NOTCH1: variants seen among roughly 807,000 people sequenced by gnomAD.
NOTCH1 encodes the protein notch receptor 1.
Under a neutral mutation model 254.8 loss-of-function variants are expected in NOTCH1, and 37 were observed. That is an observed-to-expected ratio of 0.15 (90% CI 0.11 to 0.19). The LOEUF is 0.19. NOTCH1 is among the 10% of genes least tolerant of loss of function. The probability of loss-of-function intolerance (pLI) is 1.00; values close to 1 mark genes in which losing one functional copy is unlikely to be tolerated. For missense variants in NOTCH1, 2,972 were observed against 3,708.6 expected (o/e 0.80, Z 5.16); for synonymous variants, 1,731 against 1,618.1 (o/e 1.07, Z -1.68).
chr9:136,514,159 CCTG>C (rs1320579658), intron 13 of NOTCH1, among the ~76,000 whole-genome samples: 1 of 152,184 alleles, frequency 6.6e-6, no homozygotes, highest in Non-Finnish European at 1.5e-5. Flanking sequence ...CAATGGGGTC[CCTG>C]CTGATTTAAA....
At position 136,517,903 on chromosome 9, in the gene NOTCH1, G is replaced by A. The variant is rs2133368917; in HGVS notation, c.1290C>T (p.Ile430=). 1.2e-6 allele frequency: 2 copies of A among 1,612,166 alleles called. No individual in the cohort carries two copies. Among genetic ancestry groups the A allele is most frequent in the Non-Finnish European group, 1.7e-6 (2 of 1,179,922 alleles). ...ANPCEHAGKC[I]NTLGSFECQC... ...GGCACTCGAAGGAGCCCAGCGTGTT[G>A]ATGCACTTGCCCGCATGCTCGCAGG... is the stretch of plus-strand genomic sequence containing the variant. Residue 430 remains isoleucine, a synonymous_variant, in exon 8 of 34, where the codon ATC becomes ATT. Transcript: ENST00000651671.
chr9:136,502,624 A>G, intron 27 of NOTCH1, 136 bp from the exon 28 acceptor site: 1 of 581,492 alleles, frequency 1.7e-6, no homozygotes. Flanking sequence ...CGCCCTCCAA[A>G]ATAAGGTCAT....
intron 9 of NOTCH1, among the ~76,000 whole-genome samples, chr9:136,516,324 A>G (rs984583148): frequency 3.9e-5 from 6 of 152,074 alleles, no homozygotes; most frequent in African/African-American, 7.2e-5. Context: ...TTTTTCCCAA[A>G]CCGACTGGGT....
intron 8 of NOTCH1, 101 bp downstream of exon 8, chr9:136,517,651 G>T: frequency 6.9e-7 from 1 of 1,442,564 alleles, no homozygotes; most frequent in Non-Finnish European, 9.6e-7. Context: ...AAGGCATGGA[G>T]GCTGGGGAAA....
chr9:136,524,641 T>C (rs1424692138), intron 2 of NOTCH1, among the ~76,000 whole-genome samples: 5 of 29,032 alleles, frequency 1.7e-4, no homozygotes, highest in Non-Finnish European at 2.7e-4. Flanking sequence ...TTTCTTTTCT[T>C]TTTTTTTTTT....
At position 136,510,498 on chromosome 9, in the gene NOTCH1, T is replaced by G. The variant is rs1843161680; in HGVS notation, c.2740+155A>C. 1.0e-5 allele frequency: 10 copies of G among 1,004,790 alleles called. No individual in the cohort carries two copies. In the South Asian group the frequency reaches 1.5e-4, roughly 15 times the overall value. The allele number at this position is 1,004,790 out of a possible 1,614,324, so 62.2% of individuals were successfully genotyped here. Reference sequence around the variant, plus strand: ...GGGCCCTCCTGAACCACCCTGGCCATCCCTCAGCACATCCCCCACACCTGA... The same window carrying G: ...GGGCCCTCCTGAACCACCCTGGCCAGCCCTCAGCACATCCCCCACACCTGA... On this transcript the variant is annotated intron_variant, in intron 17 of 33. Transcript: ENST00000651671.
chr9:136,523,276 A>C (rs532243915), intron 3 of NOTCH1, 88 bp from the exon 4 acceptor site: 2 of 1,327,998 alleles, frequency 1.5e-6, no homozygotes, highest in East Asian at 5.0e-5. Context: ...TGGAGGTGCC[A>C]GCCTGGGCTC....
rs369004626 is a variant in NOTCH1 at position 136,506,828 on chromosome 9, G to C, written c.3789C>G (p.Arg1263=). ...CTCPPGFVGE[R]CEGDVNECLS... ...GGCACTCGTTGACATCCCCCTCACA[G>C]CGCTCACCCACGAAGCCCGGCGGGC... The change falls in exon 23 of 34, where the codon CGC becomes CGG. Residue 1263 remains arginine, a synonymous_variant. Coordinates refer to ENST00000651671, the MANE Select transcript of NOTCH1 (RefSeq NM_017617.5). This position sits in a 1 kb window ranked among gnomAD's most constrained non-coding sequence, Gnocchi z 4.5. 4 of 1,612,282 alleles carry C rather than the reference G, an allele frequency of 2.5e-6. No homozygotes were observed. Among genetic ancestry groups the C allele is most frequent in the Non-Finnish European group, 3.4e-6 (4 of 1,179,682 alleles).
intron 2 of NOTCH1, among the ~76,000 whole-genome samples, chr9:136,534,058 G>C (rs1343188699): frequency 2.0e-5 from 3 of 152,240 alleles, no homozygotes; most frequent in African/African-American, 7.2e-5. Context: ...CTCGGCACGA[G>C]GGCGACCGTC....
At chr9:136,501,952 C>G (rs372075525) in intron 29 of NOTCH1, 39 bp from the exon 30 acceptor site, 2 of 1,611,638 alleles carry the variant, frequency 1.2e-6, no homozygotes, top group Non-Finnish European at 1.7e-6. Flanking sequence ...CAGGGCAGCC[C>G]GGCAGCAGGT....
rs752428699 is a variant in NOTCH1, at chr9:136,496,112, T to C, written c.7627A>G (p.Met2543Val). 7 of 1,609,014 alleles carry C rather than the reference T, an allele frequency of 4.4e-6. No individual in the cohort carries two copies. Among genetic ancestry groups the C allele is most frequent in the Non-Finnish European group, 5.1e-6 (6 of 1,179,442 alleles). Residue 2543 changes from methionine to valine, a missense_variant, in exon 34 of 34, where the codon ATG becomes GTG. Met to Val is a conservative substitution (Grantham distance 21). Coordinates refer to ENST00000651671, the MANE Select transcript of NOTCH1 (RefSeq NM_017617.5). ...GGAATGCGGGCGATCTGGGACTGCA[T>C]GCTGGTGGGAGGGCTGGAGACGCCC... Reference protein sequence around the residue: ...SEGVSSPPTSMQSQIARIPEA... With the variant: ...SEGVSSPPTSVQSQIARIPEA...
chr9:136,524,459 C>T (rs76943270), intron 2 of NOTCH1, among the ~76,000 whole-genome samples: 2,037 of 152,260 alleles, frequency 0.013, 40 homozygotes, highest in African/African-American at 0.047. Flanking sequence ...GCATTAGCTC[C>T]GTAGAGCCTC....
intron 17 of NOTCH1, chr9:136,510,435 C>T: frequency 1.6e-6 from 1 of 629,388 alleles, no homozygotes; most frequent in South Asian, 1.9e-5. Context: ...GCTCTCGTGA[C>T]TCTTCCGCGA....
At chr9:136,503,597 C>T (rs577579875) in intron 26 of NOTCH1, among the ~76,000 whole-genome samples, 2 of 152,342 alleles carry the variant, frequency 1.3e-5, no homozygotes, top group South Asian at 2.1e-4. Flanking sequence ...CCCTCTCTGG[C>T]TCCTGCTGGT....
chr9:136,522,654 C>T (rs1843390663), intron 4 of NOTCH1, 196 bp downstream of exon 4: 1 of 594,586 alleles, frequency 1.7e-6, no homozygotes, highest in Non-Finnish European at 2.9e-6. Context: ...CTGTGCAAGC[C>T]TCCTCCCAGC....
At chr9:136,530,546 C>T (rs2133388263) in intron 2 of NOTCH1, among the ~76,000 whole-genome samples, 1 of 152,196 alleles carries the variant, frequency 6.6e-6, no homozygotes, top group South Asian at 2.1e-4. Flanking sequence ...AGACACAGCC[C>T]AGCAGGCTCT....
chr9:136,536,201 C>T (rs1207413855), intron 2 of NOTCH1, among the ~76,000 whole-genome samples: 2 of 152,208 alleles, frequency 1.3e-5, no homozygotes, highest in South Asian at 2.1e-4. Flanking sequence ...CGCATCCTCC[C>T]GACAGGGAGA....
rs1169957724 is a variant in NOTCH1, at chr9:136,505,608, A to G, written c.4288T>C (p.Tyr1430His). The G allele has an allele frequency of 6.2e-7, 1 of 1,611,718 alleles. No individual in the cohort carries two copies. The highest frequency in any genetic ancestry group is 1.1e-5 in the South Asian group (1 of 91,046). ...FNGLLCHILD[Y>H]SFGGGAGRDI... ...CGCCCGGCCCCACCCCCGAAGCTGT[A>G]GTCCAGGATGTGGCACAAGAGCCCG... The change falls in exon 25 of 34, where the codon TAC becomes CAC. Residue 1430 changes from tyrosine (Y) to histidine (H), a missense_variant. By Grantham distance (83) the Tyr-to-His change is moderately conservative (BLOSUM62 2). Coordinates refer to ENST00000651671, the MANE Select transcript of NOTCH1 (RefSeq NM_017617.5).
In NOTCH1 at chr9:136,513,519, G is replaced by A. The variant is rs201889382; in HGVS notation, c.2226C>T (p.Asp742=). ...DSLNGYKCDC[D]PGWSGTNCDI... ...CACAGTTGGTCCCACTCCACCCAGG[G>A]TCACAGTCGCACTTGTACCTGCAAG... Residue 742 remains aspartate (D), a synonymous_variant, in exon 14 of 34, where the codon GAC becomes GAT. Coordinates refer to ENST00000651671, the MANE Select transcript of NOTCH1 (RefSeq NM_017617.5). This position sits in a 1 kb window ranked among gnomAD's most constrained non-coding sequence, Gnocchi z 4.7. 362 of 1,613,110 alleles carry A rather than the reference G, an allele frequency of 2.2e-4. 3 individuals carry two copies. The highest frequency in any genetic ancestry group is 8.2e-5 in the Non-Finnish European group (97 of 1,179,994).
Sources: allele counts gnomAD v4.1 joint callset (sites outside exome capture counted in the v4.1 genomes callset), GRCh38; gene constraint gnomAD v4.1.1; non-coding constraint Gnocchi (gnomAD v3.1); transcripts MANE v1.5; gene names NCBI Gene and HGNC (gene_info 2026-07-23, HGNC 2026-07-21).